Variants in ACER3 observed in about 807,000 individuals in gnomAD.
ACER3 encodes alkaline ceramidase 3.
ACER3 carries 16 observed loss-of-function variants against 48.9 expected under a neutral mutation model. That is an observed-to-expected ratio of 0.33 (90% CI 0.22 to 0.50). The LOEUF is 0.50. ACER3 is among the 20% of genes least tolerant of loss of function. The probability of loss-of-function intolerance (pLI) is 0.98; values close to 1 mark genes in which losing one functional copy is unlikely to be tolerated. For synonymous variants in ACER3, 109 were observed against 107.8 expected (o/e 1.01, Z -0.07); for missense variants, 227 against 326.0 (o/e 0.70, Z 2.34).
intron 1 of ACER3, among the ~76,000 whole-genome samples, chr11:76,914,921 A>G (rs1350260674): frequency 1.3e-5 from 2 of 152,186 alleles, no homozygotes; most frequent in Non-Finnish European, 2.9e-5. Flanking sequence ...GCTGGAAACC[A>G]TCATTCTCAG....
chr11:76,980,062 C>G (rs998902536), intron 4 of ACER3, among the ~76,000 whole-genome samples: 4 of 151,968 alleles, frequency 2.6e-5, no homozygotes, highest in African/African-American at 9.7e-5. Context: ...CACTTGGGCC[C>G]TGGAGGTTGA....
chr11:76,984,993 T>A (rs1329739013), intron 4 of ACER3, among the ~76,000 whole-genome samples: 1 of 152,194 alleles, frequency 6.6e-6, no homozygotes, highest in Non-Finnish European at 1.5e-5. Context: ...CATTCCTTCC[T>A]CTCCACATGG....
chr11:76,952,742 C>G (rs1177806872), intron 2 of ACER3, among the ~76,000 whole-genome samples: 1 of 147,190 alleles, frequency 6.8e-6, no homozygotes, highest in Non-Finnish European at 1.5e-5. Flanking sequence ...TCTCAACTCA[C>G]TGTAACCTCC....
At chr11:76,958,781 A>G in intron 2 of ACER3, 198 bp from the exon 3 acceptor site, 1 of 583,740 alleles carries the variant, frequency 1.7e-6, no homozygotes, top group East Asian at 2.9e-5. Flanking sequence ...ATTTAGGAGA[A>G]CTTATATTGT....
chr11:76,925,524 C>G (rs982270835), intron 1 of ACER3, among the ~76,000 whole-genome samples: 6 of 152,114 alleles, frequency 3.9e-5, no homozygotes, highest in Non-Finnish European at 7.4e-5. Context: ...TCTTCCTTTT[C>G]TTCTTGGAAA....
chr11:76,921,892 T>C (rs1323991938), intron 1 of ACER3, among the ~76,000 whole-genome samples: 2 of 152,148 alleles, frequency 1.3e-5, no homozygotes, highest in Non-Finnish European at 2.9e-5. Context: ...CCATTCCTTA[T>C]ATGTTGTGTT....
At chr11:76,909,145 G>C (rs1049812899) in intron 1 of ACER3, among the ~76,000 whole-genome samples, 13 of 152,156 alleles carry the variant, frequency 8.5e-5, no homozygotes, top group African/African-American at 2.9e-4. Flanking sequence ...ACAGTTAAAT[G>C]TAAAACCTAA....
At chr11:76,939,890 A>T (rs1017344181) in intron 2 of ACER3, among the ~76,000 whole-genome samples, 4 of 152,300 alleles carry the variant, frequency 2.6e-5, no homozygotes, top group Middle Eastern at 3.4e-3. Flanking sequence ...GGGTTGGGGC[A>T]TGAGGGGAAG....
chr11:76,874,010 T>C (rs1390374615), intron 1 of ACER3, among the ~76,000 whole-genome samples: 1 of 152,192 alleles, frequency 6.6e-6, no homozygotes, highest in Non-Finnish European at 1.5e-5. Context: ...TTTTAGGTAG[T>C]GCAGAATATT....
At chr11:76,954,108 C>T (rs1216260114) in intron 2 of ACER3, among the ~76,000 whole-genome samples, 1 of 152,068 alleles carries the variant, frequency 6.6e-6, no homozygotes, top group African/African-American at 2.4e-5. Context: ...CCACCACGCC[C>T]AGCTAATTTT....
At chr11:76,903,503 C>T (rs1041052054) in intron 1 of ACER3, among the ~76,000 whole-genome samples, 6 of 137,204 alleles carry the variant, frequency 4.4e-5, no homozygotes, top group African/African-American at 1.6e-4. Flanking sequence ...AAGGGGAATC[C>T]CAAAGAAACC....
intron 3 of ACER3, among the ~76,000 whole-genome samples, chr11:76,968,877 G>T (rs1392021590): frequency 6.6e-6 from 1 of 152,144 alleles, no homozygotes; most frequent in Non-Finnish European, 1.5e-5. Context: ...CAGGACATAG[G>T]CATGGGCAAG....
intron 1 of ACER3, among the ~76,000 whole-genome samples, chr11:76,893,520 G>T (rs1945858596): frequency 6.6e-6 from 1 of 152,034 alleles, no homozygotes; most frequent in Non-Finnish European, 1.5e-5. Context: ...TGTCAAATTG[G>T]ATTGAAAATA....
chr11:76,995,461 A>G (rs1451857752), intron 6 of ACER3, among the ~76,000 whole-genome samples: 1 of 152,252 alleles, frequency 6.6e-6, no homozygotes, highest in African/African-American at 2.4e-5. Context: ...TTTAGTAGAG[A>G]GAAAACACTA....
chr11:76,937,359 A>C (rs1270323356), intron 2 of ACER3, among the ~76,000 whole-genome samples: 1 of 152,238 alleles, frequency 6.6e-6, no homozygotes, highest in Non-Finnish European at 1.5e-5. Context: ...CAACAATCAC[A>C]CTTCTAAGAA....
intron 1 of ACER3, among the ~76,000 whole-genome samples, chr11:76,895,491 G>T (rs1410486210): frequency 6.6e-6 from 1 of 152,204 alleles, no homozygotes; most frequent in Non-Finnish European, 1.5e-5. Context: ...TAGAAAGAGA[G>T]ATATAATAGG....
At chr11:77,006,237 C>T (rs1031825044) in intron 7 of ACER3, among the ~76,000 whole-genome samples, 1 of 151,774 alleles carries the variant, frequency 6.6e-6, no homozygotes, top group Non-Finnish European at 1.5e-5. Context: ...GATCCACCCA[C>T]CTCAGCCTCC....
At chr11:76,973,902 G>A (rs1948371868) in intron 3 of ACER3, among the ~76,000 whole-genome samples, 1 of 152,150 alleles carries the variant, frequency 6.6e-6, no homozygotes, top group Non-Finnish European at 1.5e-5. Context: ...AATTATTTAT[G>A]TGGTATGAGG....
At chr11:77,005,230 T>A (rs991668759) in intron 7 of ACER3, among the ~76,000 whole-genome samples, 1 of 151,998 alleles carries the variant, frequency 6.6e-6, no homozygotes, top group Non-Finnish European at 1.5e-5. Flanking sequence ...TAGAGACGGG[T>A]TTCACCGTGT....
Sources: gnomAD v4.1 joint callset for allele counts (sites outside exome capture counted in the v4.1 genomes callset) on GRCh38, gnomAD v4.1.1 for gene constraint, MANE v1.5 for transcripts, NCBI Gene and HGNC (gene_info 2026-07-23, HGNC 2026-07-21) for gene names.